Variants in PRDM5 observed in about 807,000 individuals in gnomAD.
PRDM5 encodes the protein PR domain zinc finger protein 5.
A neutral mutation model predicts 81.2 loss-of-function variants in PRDM5; 56 were observed. The observed-to-expected ratio is 0.69, with a 90% CI of 0.56 to 0.86. PRDM5 has a LOEUF of 0.86. PRDM5 is among the 40% of genes least tolerant of loss of function. The probability of loss-of-function intolerance (pLI) is 0.00; values close to 1 mark genes in which losing one functional copy is unlikely to be tolerated. For missense variants in PRDM5, 697 were observed against 770.1 expected (o/e 0.91, Z 1.12); for synonymous variants, 267 against 256.4 (o/e 1.04, Z -0.39).
intron 14 of PRDM5, among the ~76,000 whole-genome samples, chr4:120,736,134 C>CAA (rs2149096434): frequency 6.6e-6 from 1 of 151,948 alleles, no homozygotes; most frequent in Admixed American, 6.6e-5. Flanking sequence ...ATAATGGCCT[C>CAA]CAATTCCATC....
At chr4:120,755,844 C>T (rs566929540) in intron 13 of PRDM5, among the ~76,000 whole-genome samples, 1 of 152,264 alleles carries the variant, frequency 6.6e-6, no homozygotes, top group East Asian at 1.9e-4. Flanking sequence ...CAGCGGTGTC[C>T]CCTGCCAAGC....
chr4:120,816,270 T>C (rs1274205365), intron 7 of PRDM5, 183 bp downstream of exon 7: 1 of 930,240 alleles, frequency 1.1e-6, no homozygotes, highest in Non-Finnish European at 1.7e-6. Flanking sequence ...CAAATGCTGC[T>C]AAATTCAACC....
chr4:120,917,162 T>C (rs1011119129), intron 1 of PRDM5, among the ~76,000 whole-genome samples: 4 of 152,314 alleles, frequency 2.6e-5, no homozygotes, highest in East Asian at 1.9e-4. Flanking sequence ...TGCTTGCTCA[T>C]TGCATTCCAG....
chr4:120,738,904 AT>A (rs1293988818), intron 14 of PRDM5, among the ~76,000 whole-genome samples: 9 of 152,184 alleles, frequency 5.9e-5, no homozygotes, highest in Non-Finnish European at 1.3e-4. Context: ...TATTTTAATT[AT>A]TTTGTTTAAT....
chr4:120,822,415 C>T (rs1755400330), intron 3 of PRDM5, among the ~76,000 whole-genome samples: 1 of 152,104 alleles, frequency 6.6e-6, no homozygotes, highest in Non-Finnish European at 1.5e-5. Context: ...GCACAGAGCA[C>T]AGAACAAAGC....
chr4:120,861,796 CA>C (rs1159321172), intron 2 of PRDM5, among the ~76,000 whole-genome samples: 87 of 115,218 alleles, frequency 7.6e-4, no homozygotes, highest in Middle Eastern at 4.6e-3. Flanking sequence ...GACTCCGTCT[CA>C]AAAAAAAAAA....
chr4:120,836,584 C>G (rs1757381077), intron 3 of PRDM5, among the ~76,000 whole-genome samples: 1 of 152,164 alleles, frequency 6.6e-6, no homozygotes. Flanking sequence ...GTAAACATCA[C>G]CACAACTCAT....
At chr4:120,906,447 T>C (rs1243159880) in intron 2 of PRDM5, among the ~76,000 whole-genome samples, 1 of 152,236 alleles carries the variant, frequency 6.6e-6, no homozygotes, top group Non-Finnish European at 1.5e-5. Context: ...TGATGTTCAC[T>C]TGATGACGCA....
chr4:120,864,083 G>T (rs1050657337), intron 2 of PRDM5, among the ~76,000 whole-genome samples: 1 of 152,214 alleles, frequency 6.6e-6, no homozygotes, highest in Non-Finnish European at 1.5e-5. Context: ...ATACACTGCT[G>T]CATGGAGGAA....
intron 14 of PRDM5, among the ~76,000 whole-genome samples, chr4:120,741,779 C>CG (rs1488451309): frequency 1.4e-4 from 21 of 152,010 alleles, no homozygotes; most frequent in African/African-American, 4.1e-4. Context: ...GAGGGTCCTA[C>CG]CCCACGGAGT....
At chr4:120,808,597 G>A (rs375179824) in intron 8 of PRDM5, among the ~76,000 whole-genome samples, 8 of 152,224 alleles carry the variant, frequency 5.3e-5, no homozygotes, top group South Asian at 2.1e-4. Context: ...TGCCAGTCCC[G>A]CGCTGTGTGC....
chr4:120,869,856 T>C (rs917258714), intron 2 of PRDM5, among the ~76,000 whole-genome samples: 1 of 152,196 alleles, frequency 6.6e-6, no homozygotes, highest in Non-Finnish European at 1.5e-5. Context: ...TTAGCACTCA[T>C]GCATCTGAGA....
chr4:120,796,350 A>G (rs1751348709), intron 10 of PRDM5, among the ~76,000 whole-genome samples: 1 of 152,236 alleles, frequency 6.6e-6, no homozygotes, highest in South Asian at 2.1e-4. Flanking sequence ...TCCAGTTTGG[A>G]AATTACAAGC....
At chr4:120,702,340 C>T (rs918677302) in intron 15 of PRDM5, among the ~76,000 whole-genome samples, 13 of 152,176 alleles carry the variant, frequency 8.5e-5, no homozygotes, top group Non-Finnish European at 1.8e-4. Context: ...AACCATTGGG[C>T]TTCCTGCCTC....
At chr4:120,906,085 C>T (rs941070734) in intron 2 of PRDM5, among the ~76,000 whole-genome samples, 1 of 152,078 alleles carries the variant, frequency 6.6e-6, no homozygotes, top group Non-Finnish European at 1.5e-5. Flanking sequence ...AATCCTCCCA[C>T]CTCAACCTCC....
chr4:120,709,207 T>C (rs1736606467), intron 15 of PRDM5, among the ~76,000 whole-genome samples: 1 of 152,176 alleles, frequency 6.6e-6, no homozygotes, highest in South Asian at 2.1e-4. Flanking sequence ...TATCAGCTAC[T>C]TGTGTCACAG....
rs181062003 is a variant in PRDM5, at chr4:120,834,262, C to A, written c.301-12917G>T. 5.3e-4 allele frequency among the ~76,000 whole-genome samples: 81 copies of A among 152,246 alleles called. No homozygotes were observed. The East Asian group carries it at 0.014, about 25-fold the overall frequency. On this transcript the variant is annotated intron_variant, in intron 3 of 15. Coordinates refer to ENST00000264808, the MANE Select transcript of PRDM5 (RefSeq NM_018699.4). Reference sequence around the variant, plus strand: ...TCCCCCCAAATTCATATGTTGAAATCTAATTCCCCATGTAATGGCATTTAG... The same window carrying A: ...TCCCCCCAAATTCATATGTTGAAATATAATTCCCCATGTAATGGCATTTAG...
intron 3 of PRDM5, among the ~76,000 whole-genome samples, chr4:120,841,219 T>C (rs1212640208): frequency 6.6e-6 from 1 of 152,222 alleles, no homozygotes; most frequent in Non-Finnish European, 1.5e-5. Context: ...CTTGGCTTAA[T>C]ACAGTATAAC....
At chr4:120,921,435 T>A (rs897711090) in intron 1 of PRDM5, among the ~76,000 whole-genome samples, 1 of 152,182 alleles carries the variant, frequency 6.6e-6, no homozygotes, top group Non-Finnish European at 1.5e-5. Context: ...TGACTGGAGA[T>A]CATGTTGTCA....
Sources: gnomAD v4.1 joint callset for allele counts (sites outside exome capture counted in the v4.1 genomes callset) on GRCh38, gnomAD v4.1.1 for gene constraint, MANE v1.5 for transcripts, NCBI Gene and HGNC (gene_info 2026-07-23, HGNC 2026-07-21) for gene names.